RARB: variants seen among roughly 807,000 people sequenced by gnomAD.
RARB encodes the protein HBV-activated protein.
Under a neutral mutation model 51.9 loss-of-function variants are expected in RARB, and 17 were observed. That is an observed-to-expected ratio of 0.33 (90% CI 0.22 to 0.49). The LOEUF is 0.49. Ranked by LOEUF, RARB falls within the 20% of genes least tolerant of loss-of-function variation. RARB has a pLI of 0.99. For missense variants in RARB, 369 were observed against 550.8 expected (o/e 0.67, Z 3.30); for synonymous variants, 215 against 195.4 (o/e 1.10, Z -0.84).
chr3:25,404,833 A>T (rs1252111400), intron 5 of RARB, among the ~76,000 whole-genome samples: 1 of 152,158 alleles, frequency 6.6e-6, no homozygotes, highest in Non-Finnish European at 1.5e-5. Context: ...CTTTATACCT[A>T]CTGAACCTCC....
intron 1 of RARB, among the ~76,000 whole-genome samples, chr3:25,449,771 A>G (rs1256192445): frequency 1.4e-5 from 2 of 143,174 alleles, no homozygotes; most frequent in African/African-American, 5.2e-5. Flanking sequence ...TTTTTTTTTT[A>G]GACGGAGTCC....
intron 5 of RARB, among the ~76,000 whole-genome samples, chr3:25,240,879 C>T (rs536610624): frequency 6.6e-6 from 1 of 152,144 alleles, no homozygotes; most frequent in Non-Finnish European, 1.5e-5. Flanking sequence ...CTTCTCTCCT[C>T]AACTTTTTAG....
chr3:25,271,293 G>C (rs1456030586), intron 5 of RARB, among the ~76,000 whole-genome samples: 2 of 152,150 alleles, frequency 1.3e-5, no homozygotes, highest in African/African-American at 4.8e-5. Flanking sequence ...GCATGCTATG[G>C]TTTTTCATAT....
At chr3:25,016,790 G>A (rs1284003447) in intron 2 of RARB, among the ~76,000 whole-genome samples, 1 of 151,976 alleles carries the variant, frequency 6.6e-6, no homozygotes, top group Non-Finnish European at 1.5e-5. Flanking sequence ...GGAGTCTTCT[G>A]TTAGAACTCC....
intron 2 of RARB, among the ~76,000 whole-genome samples, chr3:25,042,396 G>A (rs1386657989): frequency 1.3e-5 from 2 of 152,186 alleles, no homozygotes; most frequent in Non-Finnish European, 2.9e-5. Context: ...TCACTAAAAT[G>A]TTCCAGAATG....
At chr3:25,192,045 ATGAT>A (rs755653580) in intron 5 of RARB, among the ~76,000 whole-genome samples, 26 of 152,110 alleles carry the variant, frequency 1.7e-4, no homozygotes, top group African/African-American at 2.2e-4. Flanking sequence ...AAGTGTAACA[ATGAT>A]TGAGAGTTTT....
At chr3:25,292,733 C>A (rs1043890096) in intron 5 of RARB, among the ~76,000 whole-genome samples, 2 of 152,152 alleles carry the variant, frequency 1.3e-5, no homozygotes, top group African/African-American at 4.8e-5. Context: ...GCTGTCCCCA[C>A]TGGCAAGTGG....
At chr3:24,845,800 A>G (rs1702479341) in intron 1 of RARB, among the ~76,000 whole-genome samples, 1 of 152,002 alleles carries the variant, frequency 6.6e-6, no homozygotes, top group South Asian at 2.1e-4. Flanking sequence ...TTGGCATGCC[A>G]CATTTTAACA....
At chr3:24,842,507 T>A (rs571253912) in intron 1 of RARB, among the ~76,000 whole-genome samples, 2 of 152,322 alleles carry the variant, frequency 1.3e-5, no homozygotes, top group African/African-American at 4.8e-5. Context: ...ATCTCATAAC[T>A]ATGGGATATA....
intron 5 of RARB, among the ~76,000 whole-genome samples, chr3:25,412,385 C>T (rs961204421): frequency 1.3e-5 from 2 of 152,076 alleles, no homozygotes; most frequent in African/African-American, 4.8e-5. Context: ...CATCCAAATG[C>T]TCTTTGTCCT....
At chr3:25,476,735 C>T (rs184567862) in intron 2 of RARB, among the ~76,000 whole-genome samples, 3 of 152,308 alleles carry the variant, frequency 2.0e-5, no homozygotes, top group East Asian at 1.9e-4. Context: ...TCCACAATGG[C>T]TTGTTGAGTC....
intron 2 of RARB, among the ~76,000 whole-genome samples, chr3:24,904,752 G>T (rs942459265): frequency 6.6e-6 from 1 of 152,136 alleles, no homozygotes; most frequent in African/African-American, 2.4e-5. Context: ...GCAAAAACTT[G>T]GAACCAACCC....
intron 2 of RARB, among the ~76,000 whole-genome samples, chr3:25,058,911 A>T (rs1020958023): frequency 4.0e-5 from 6 of 151,816 alleles, no homozygotes; most frequent in African/African-American, 1.4e-4. Flanking sequence ...TGGTAATAAA[A>T]TATGCAATCA....
At chr3:25,485,825 CCT>C (rs1449548098) in intron 2 of RARB, among the ~76,000 whole-genome samples, 1 of 152,182 alleles carries the variant, frequency 6.6e-6, no homozygotes, top group African/African-American at 2.4e-5. Context: ...GGCTGCTGCT[CCT>C]CTCACACGTT....
chr3:25,177,661 T>C (rs1047193985), intron 5 of RARB, among the ~76,000 whole-genome samples: 1 of 152,200 alleles, frequency 6.6e-6, no homozygotes, highest in African/African-American at 2.4e-5. Context: ...TTATACCTGC[T>C]TGTCACTCTT....
intron 2 of RARB, among the ~76,000 whole-genome samples, chr3:25,009,900 G>T (rs977112347): frequency 2.4e-4 from 36 of 152,076 alleles, no homozygotes; most frequent in African/African-American, 8.4e-4. Context: ...AACTGAACCC[G>T]ATTTGAACCT....
At chr3:24,875,249 T>G (rs1194674966) in intron 2 of RARB, among the ~76,000 whole-genome samples, 1 of 152,170 alleles carries the variant, frequency 6.6e-6, no homozygotes, top group African/African-American at 2.4e-5. Flanking sequence ...TTGCCGAAGT[T>G]GATACTATAT....
chr3:25,421,248 C>T (rs979898056), intron 5 of RARB, among the ~76,000 whole-genome samples: 1 of 152,036 alleles, frequency 6.6e-6, no homozygotes, highest in East Asian at 1.9e-4. Context: ...AGCCCCTACC[C>T]CCTCCACCTG....
At chr3:24,893,878 TA>T (rs1228004174) in intron 2 of RARB, among the ~76,000 whole-genome samples, 8 of 152,152 alleles carry the variant, frequency 5.3e-5, no homozygotes, top group African/African-American at 1.9e-4. Flanking sequence ...GGAATGTTTG[TA>T]ACACTTTCAC....
Sources: allele counts gnomAD v4.1 joint callset (sites outside exome capture counted in the v4.1 genomes callset), GRCh38; gene constraint gnomAD v4.1.1; transcripts MANE v1.5; gene names NCBI Gene and HGNC (gene_info 2026-07-23, HGNC 2026-07-21).